NUDT3: variants seen among roughly 807,000 people sequenced by gnomAD.
NUDT3 encodes the protein nudix hydrolase 3.
NUDT3 carries 9 observed loss-of-function variants against 23.6 expected under a neutral mutation model. The ratio of observed to expected loss-of-function variants is 0.38; its 90% CI spans 0.23 to 0.66. NUDT3 has a LOEUF of 0.66. Ranked by LOEUF, NUDT3 falls within the 30% of genes least tolerant of loss-of-function variation. The pLI is 0.52. For synonymous variants in NUDT3, 86 were observed against 82.6 expected (o/e 1.04, Z -0.22); for missense variants, 172 against 218.5 (o/e 0.79, Z 1.34).
chr6:34,333,131 G>A (rs1467532301), intron 2 of NUDT3, among the ~76,000 whole-genome samples: 1 of 152,122 alleles, frequency 6.6e-6, no homozygotes, highest in Non-Finnish European at 1.5e-5. Flanking sequence ...AACCCTGTAA[G>A]GGGTCACTCT....
chr6:34,310,630 G>GA (rs1018076201), intron 2 of NUDT3, among the ~76,000 whole-genome samples: 15 of 152,082 alleles, frequency 9.9e-5, no homozygotes, highest in Non-Finnish European at 2.2e-4. Context: ...ACAAGTTAAG[G>GA]AAAAAATTAC....
rs529899440 is a variant in NUDT3, at chr6:34,330,917, C to T, written c.210+10945G>A. ...ATGCCCAGGCTGGAGTGCAATGGCACGATCTTGGCTCACTGCAACCTCTGC... is the reference window on the plus strand; with the variant it reads ...ATGCCCAGGCTGGAGTGCAATGGCATGATCTTGGCTCACTGCAACCTCTGC... On this transcript the variant is annotated intron_variant, in intron 2 of 4. Coordinates refer to ENST00000607016, the MANE Select transcript of NUDT3 (RefSeq NM_006703.4). Among the ~76,000 whole-genome samples the T allele has an allele frequency of 1.1e-4, 16 of 152,306 alleles. No homozygotes were observed. The East Asian group carries it at 3.1e-3, about 29-fold the overall frequency.
chr6:34,292,836 T>C (rs940188479), intron 4 of NUDT3, among the ~76,000 whole-genome samples: 1 of 152,196 alleles, frequency 6.6e-6, no homozygotes, highest in African/African-American at 2.4e-5. Context: ...CCTCAATCAG[T>C]ATCTGCTCAG....
intron 1 of NUDT3, among the ~76,000 whole-genome samples, chr6:34,386,621 G>T (rs1462668565): frequency 6.6e-6 from 1 of 151,506 alleles, no homozygotes; most frequent in Middle Eastern, 3.2e-3. Context: ...GGCTACCCAT[G>T]ATCTATTACC....
chr6:34,364,302 TAA>T (rs1764692869), intron 1 of NUDT3, among the ~76,000 whole-genome samples: 1 of 152,204 alleles, frequency 6.6e-6, no homozygotes, highest in African/African-American at 2.4e-5. Flanking sequence ...TGAATATAAA[TAA>T]ACTTACTAAG....
intron 1 of NUDT3, among the ~76,000 whole-genome samples, chr6:34,351,224 A>AAAAAAAC (rs1374203552): frequency 1.5e-5 from 2 of 136,348 alleles, no homozygotes; most frequent in Admixed American, 7.2e-5. Flanking sequence ...AAAAAAAAAA[A>AAAAAAAC]AACACTTTGG....
At position 34,286,511 on chromosome 6, in the gene NUDT3, A is replaced by AT. The variant is rs1307016679; in HGVS notation, c.*2241dup. ...CCTGGCACTTGGTTAAATCTACTTT[A>AT]TTTTGCCCTTTATTTATTTGAACAG... On this transcript the variant is annotated 3_prime_UTR_variant, in exon 5 of 5. Transcript: ENST00000607016. The AT allele has an allele frequency of 1.3e-5, 2 of 152,154 alleles. No individual in the cohort carries two copies. Among genetic ancestry groups the AT allele is most frequent in the Non-Finnish European group, 2.9e-5 (2 of 68,018 alleles). The allele number at this position is 152,154 out of a possible 1,614,324, so 9.4% of individuals were successfully genotyped here.
intron 1 of NUDT3, among the ~76,000 whole-genome samples, chr6:34,357,136 C>G (rs543439404): frequency 7.9e-5 from 12 of 152,096 alleles, no homozygotes; most frequent in African/African-American, 2.6e-4. Context: ...TGAAAAATTA[C>G]AGATAAAATC....
At position 34,333,145 on chromosome 6, in the gene NUDT3, A is replaced by G. The variant is rs141334019; in HGVS notation, c.210+8717T>C. Among the ~76,000 whole-genome samples, 133 of 152,256 alleles carry G rather than the reference A, an allele frequency of 8.7e-4. No homozygotes were observed. The East Asian group carries it at 0.011, about 12-fold the overall frequency. On this transcript the variant is annotated intron_variant, in intron 2 of 4. Coordinates refer to ENST00000607016, the MANE Select transcript of NUDT3 (RefSeq NM_006703.4). Reference sequence around the variant, plus strand: ...TAACCCTGTAAGGGGTCACTCTAAAAGGATTTTGACCACAAGCAGCTAAAA... The same window carrying G: ...TAACCCTGTAAGGGGTCACTCTAAAGGGATTTTGACCACAAGCAGCTAAAA...
intron 2 of NUDT3, among the ~76,000 whole-genome samples, chr6:34,325,380 T>A (rs1323634530): frequency 6.6e-6 from 1 of 152,172 alleles, no homozygotes; most frequent in Non-Finnish European, 1.5e-5. Context: ...GGTTCCTTTT[T>A]AAAAACTTTT....
intron 1 of NUDT3, among the ~76,000 whole-genome samples, chr6:34,378,246 G>A (rs1240136868): frequency 6.6e-6 from 1 of 151,792 alleles, no homozygotes; most frequent in East Asian, 1.9e-4. Context: ...GAGGCTGCAG[G>A]GAGCCATGAT....
intron 2 of NUDT3, among the ~76,000 whole-genome samples, chr6:34,327,184 A>C (rs1345802268): frequency 1.3e-5 from 2 of 152,102 alleles, no homozygotes; most frequent in Non-Finnish European, 2.9e-5. Context: ...TAGGTAGCCG[A>C]AACAGAGAGG....
intron 1 of NUDT3, among the ~76,000 whole-genome samples, chr6:34,361,147 C>A (rs551367238): frequency 1.7e-4 from 26 of 152,166 alleles, no homozygotes; most frequent in African/African-American, 6.3e-4. Flanking sequence ...CACTTGAGCC[C>A]AGGAGTTCAG....
intron 1 of NUDT3, among the ~76,000 whole-genome samples, chr6:34,367,579 A>C (rs1318380936): frequency 6.6e-6 from 1 of 152,086 alleles, no homozygotes; most frequent in African/African-American, 2.4e-5. Flanking sequence ...GATTAAACAT[A>C]AGTACCGTCC....
intron 1 of NUDT3, among the ~76,000 whole-genome samples, chr6:34,389,937 A>G (rs1182995130): frequency 4.1e-5 from 6 of 147,680 alleles, no homozygotes; most frequent in African/African-American, 1.5e-4. Flanking sequence ...GCACTCCACC[A>G]TGGGCGACAG....
chr6:34,392,462 AG>A lies in NUDT3; in HGVS notation c.-101del, dbSNP rs1356789863. On this transcript the variant is annotated 5_prime_UTR_variant, in exon 1 of 5. Transcript: ENST00000607016. ...TGCGCGCGCGCCCCCGGCTCGGCCAAGGGAAGCAGGGAGGGGGAGCTTCTCC... is the reference window on the plus strand; with the variant it reads ...TGCGCGCGCGCCCCCGGCTCGGCCAAGGAAGCAGGGAGGGGGAGCTTCTCC... 2 of 762,628 alleles carry A rather than the reference AG, an allele frequency of 2.6e-6. No homozygotes were observed. Among genetic ancestry groups the A allele is most frequent in the Non-Finnish European group, 4.2e-6 (2 of 475,150 alleles). 47.2% of individuals were successfully genotyped at this position (762,628 alleles called of 1,614,324 possible).
chr6:34,347,742 C>T (rs1764396489), intron 1 of NUDT3, among the ~76,000 whole-genome samples: 1 of 151,708 alleles, frequency 6.6e-6, no homozygotes, highest in South Asian at 2.1e-4. Context: ...TAGTCCCTGC[C>T]CTATAGGAAC....
At chr6:34,290,269 A>C (rs1224858689) in intron 4 of NUDT3, among the ~76,000 whole-genome samples, 1 of 146,076 alleles carries the variant, frequency 6.8e-6, no homozygotes, top group Non-Finnish European at 1.5e-5. Flanking sequence ...CAGAGATAGG[A>C]TCTCACAGGC....
chr6:34,371,528 C>T (rs952197410), intron 1 of NUDT3, among the ~76,000 whole-genome samples: 20 of 151,838 alleles, frequency 1.3e-4, no homozygotes, highest in African/African-American at 4.8e-4. Flanking sequence ...GCAGATTCAA[C>T]GTGGGAAACA....
Sources: gnomAD v4.1 joint callset for allele counts (sites outside exome capture counted in the v4.1 genomes callset) on GRCh38, gnomAD v4.1.1 for gene constraint, MANE v1.5 for transcripts, NCBI Gene and HGNC (gene_info 2026-07-23, HGNC 2026-07-21) for gene names.